TENT4A: variants seen among roughly 807,000 people sequenced by gnomAD.
TENT4A encodes the protein DNA polymerase kappa.
TENT4A carries 7 observed loss-of-function variants against 72.8 expected under a neutral mutation model. The ratio of observed to expected loss-of-function variants is 0.10; its 90% CI spans 0.05 to 0.18. TENT4A has a LOEUF of 0.18. Among genes scored for constraint, TENT4A ranks in the 10% least tolerant of loss-of-function variants. The probability of loss-of-function intolerance (pLI) is 1.00; values close to 1 mark genes in which losing one functional copy is unlikely to be tolerated. For missense variants in TENT4A, 831 were observed against 1,017.7 expected (o/e 0.82, Z 2.50); for synonymous variants, 456 against 434.3 (o/e 1.05, Z -0.62).
intron 5 of TENT4A, 92 bp from the exon 6 acceptor site, chr5:6,743,620 A>T (rs1741939750): frequency 1.9e-6 from 2 of 1,063,556 alleles, no homozygotes; most frequent in Non-Finnish European, 2.7e-6. Flanking sequence ...GATCGAGGAA[A>T]CTTTCCTTTC....
At chr5:6,731,680 C>A (rs1561032491) in intron 1 of TENT4A, among the ~76,000 whole-genome samples, 1 of 152,092 alleles carries the variant, frequency 6.6e-6, no homozygotes, top group Non-Finnish European at 1.5e-5. Context: ...AGCTGGACTG[C>A]AGGCCTGGGC....
chr5:6,743,344 C>G (rs753192535), intron 5 of TENT4A, among the ~76,000 whole-genome samples: 35 of 152,302 alleles, frequency 2.3e-4, no homozygotes, highest in Non-Finnish European at 3.1e-4. Flanking sequence ...CCTTGCCAGC[C>G]TCACTCTGCT....
At chr5:6,753,878 A>G (rs1742548203) in intron 12 of TENT4A, among the ~76,000 whole-genome samples, 1 of 152,238 alleles carries the variant, frequency 6.6e-6, no homozygotes, top group Non-Finnish European at 1.5e-5. Flanking sequence ...AGGGTGAAAG[A>G]ACAACTTCGC....
In TENT4A at chr5:6,756,111, T is replaced by G. The variant is rs972612153; in HGVS notation, c.*1166T>G. On this transcript the variant is annotated 3_prime_UTR_variant, in exon 13 of 13. Transcript: ENST00000230859. ...TGCCCAGTGCGCCGTGGGGAGTGTT[T>G]TAACGGATCGTGTCGCAGGAGAGCA... 2 of 152,630 alleles carry G rather than the reference T, an allele frequency of 1.3e-5. No homozygotes were observed. Among genetic ancestry groups the G allele is most frequent in the Admixed American group, 1.3e-4 (2 of 15,274 alleles). The allele number at this position is 152,630 out of a possible 1,614,324, so 9.5% of individuals were successfully genotyped here. A position where few individuals can be genotyped will look rare whatever the true frequency, so the allele number is the denominator to read the frequency against.
At chr5:6,735,023 G>A (rs1741404775) in intron 1 of TENT4A, among the ~76,000 whole-genome samples, 1 of 152,226 alleles carries the variant, frequency 6.6e-6, no homozygotes, top group Admixed American at 6.5e-5. Flanking sequence ...GGTCCTGAAA[G>A]CTATTTGATG....
chr5:6,748,607 C>T lies in TENT4A; in HGVS notation c.1586+17C>T, dbSNP rs200948251. On this transcript the variant is annotated intron_variant, in intron 8 of 12. Transcript: ENST00000230859. ...CGCCGAAAGGTAATGGGTTGTGTGT[C>T]TGCGTCTGGGCTCAGCGTGCCTGTG... 1.2e-6 allele frequency: 2 copies of T among 1,604,396 alleles called. No homozygotes were observed. Among genetic ancestry groups the T allele is most frequent in the African/African-American group, 1.3e-5 (1 of 74,750 alleles).
chr5:6,726,096 A>T (rs1296155715), intron 1 of TENT4A, among the ~76,000 whole-genome samples: 3 of 151,976 alleles, frequency 2.0e-5, no homozygotes, highest in African/African-American at 7.3e-5. Context: ...TGAATTTTCA[A>T]CCTCTGTAGT....
chr5:6,735,297 T>C (rs1298574464), intron 1 of TENT4A, among the ~76,000 whole-genome samples: 2 of 152,226 alleles, frequency 1.3e-5, no homozygotes, highest in East Asian at 3.8e-4. Context: ...AGAACAGGAC[T>C]GTGAGGTGCA....
Position 6,746,301 on chromosome 5 carries a change from A to G in TENT4A, c.1333A>G (p.Asn445Asp). 1 of 1,614,216 alleles carries G rather than the reference A, an allele frequency of 6.2e-7. No individual in the cohort carries two copies. The highest frequency in any genetic ancestry group is 8.5e-7 in the Non-Finnish European group (1 of 1,180,024). Residue 445 changes from asparagine (N) to aspartate (D), a missense_variant, in exon 7 of 13, where the codon AAT (asparagine) becomes GAT (aspartate). Physicochemically the swap from Asn to Asp is conservative, Grantham distance 23. Coordinates refer to ENST00000230859, the MANE Select transcript of TENT4A (RefSeq NM_006999.6). ...TTTTGAACTCTATGGGAGAAATTTT[A>G]ATTACTTGAAAACCGGTATTAGAAT... The part of the protein sequence containing the change: ...EFFELYGRNF[N>D]YLKTGIRIKE...
chr5:6,716,152 C>A (rs947015478), intron 1 of TENT4A, among the ~76,000 whole-genome samples: 1 of 152,162 alleles, frequency 6.6e-6, no homozygotes. Flanking sequence ...CTCACTTGGG[C>A]TCCCCGAGCT....
At chr5:6,732,399 C>G (rs1247220086) in intron 1 of TENT4A, among the ~76,000 whole-genome samples, 1 of 152,214 alleles carries the variant, frequency 6.6e-6, no homozygotes, top group African/African-American at 2.4e-5. Flanking sequence ...TAGTTTTGTT[C>G]TCTAACTGTA....
chr5:6,724,567 C>T (rs1024568743), intron 1 of TENT4A, among the ~76,000 whole-genome samples: 16 of 147,236 alleles, frequency 1.1e-4, no homozygotes, highest in African/African-American at 4.0e-4. Context: ...GATAGAGCAC[C>T]GAGACCACAC....
intron 1 of TENT4A, 110 bp downstream of exon 1, chr5:6,714,809 G>GAAGGCT: frequency 2.0e-6 from 1 of 495,786 alleles, no homozygotes; most frequent in Non-Finnish European, 3.0e-6. Flanking sequence ...GATGGATGTT[G>GAAGGCT]AAGGCTAAGG....
At chr5:6,746,696 T>G (rs1423866102) in intron 7 of TENT4A, among the ~76,000 whole-genome samples, 1 of 152,258 alleles carries the variant, frequency 6.6e-6, no homozygotes, top group Non-Finnish European at 1.5e-5. Flanking sequence ...GTATAACATA[T>G]CCACCCTAAA....
At chr5:6,747,369 A>T (rs755927912) in intron 7 of TENT4A, among the ~76,000 whole-genome samples, 8 of 152,052 alleles carry the variant, frequency 5.3e-5, no homozygotes, top group Non-Finnish European at 1.2e-4. Context: ...CACATGTCAT[A>T]CTTTTTCCAA....
chr5:6,713,891 G>T lies in TENT4A; in HGVS notation c.-93G>T. On this transcript the variant is annotated 5_prime_UTR_variant, in exon 1 of 13. Coordinates refer to ENST00000230859, the MANE Select transcript of TENT4A (RefSeq NM_006999.6). ...GCCACCGGCCCAGGCCCGTCCGTCC[G>T]TCCGTGCGCGCGCGGCCGGGCCTCG... The T allele has an allele frequency of 3.0e-6, 1 of 335,102 alleles. No individual in the cohort carries two copies. The highest frequency in any genetic ancestry group is 1.1e-4 in the South Asian group (1 of 9,076). 20.8% of individuals were successfully genotyped at this position (335,102 alleles called of 1,614,324 possible).
At chr5:6,723,626 A>C (rs186654797) in intron 1 of TENT4A, among the ~76,000 whole-genome samples, 20 of 152,334 alleles carry the variant, frequency 1.3e-4, no homozygotes, top group African/African-American at 4.8e-4. Flanking sequence ...CGTCGCTAAC[A>C]TGCGGGGGAT....
Position 6,755,020 on chromosome 5 carries a change from G to A in TENT4A, c.*75G>A, listed in dbSNP as rs1046462487. 6.7e-6 allele frequency: 9 copies of A among 1,344,838 alleles called. No homozygotes were observed. Among genetic ancestry groups the A allele is most frequent in the African/African-American group, 1.5e-5 (1 of 68,754 alleles). 83.3% of individuals were successfully genotyped at this position (1,344,838 alleles called of 1,614,324 possible). A position where few individuals can be genotyped will look rare whatever the true frequency, so the allele number is the denominator to read the frequency against. ...GGCCTCGGCCACCGGCAGGGGAACC[G>A]AGACCAGCACCCCGCACGTCAGCCG... On this transcript the variant is annotated 3_prime_UTR_variant, in exon 13 of 13. Transcript: ENST00000230859.
chr5:6,747,129 T>C (rs914755028), intron 7 of TENT4A, among the ~76,000 whole-genome samples: 1 of 152,260 alleles, frequency 6.6e-6, no homozygotes, highest in Non-Finnish European at 1.5e-5. Context: ...TTGCTATTTA[T>C]GAATTCCACA....
Sources: gnomAD v4.1 joint callset for allele counts (sites outside exome capture counted in the v4.1 genomes callset) on GRCh38, gnomAD v4.1.1 for gene constraint, MANE v1.5 for transcripts, NCBI Gene and HGNC (gene_info 2026-07-23, HGNC 2026-07-21) for gene names.